The following LRRFIP1 variants were observed in gnomAD, a reference collection of about 807,000 sequenced individuals.
LRRFIP1 encodes the protein leucine-rich repeat flightless-interacting protein 1.
A neutral mutation model predicts 104.4 loss-of-function variants in LRRFIP1; 62 were observed. The ratio of observed to expected loss-of-function variants is 0.59; its 90% confidence interval spans 0.48 to 0.73. The LOEUF is 0.73. Among genes scored for constraint, LRRFIP1 ranks in the 30% least tolerant of loss-of-function variants. The probability of loss-of-function intolerance (pLI) is 0.00; values close to 1 mark genes in which losing one functional copy is unlikely to be tolerated. For synonymous variants in LRRFIP1, 300 were observed against 299.0 expected (o/e 1.00, Z -0.03); for missense variants, 796 against 824.5 (o/e 0.97, Z 0.42).
chr2:237,673,814 G>C (rs773213730), intron 1 of LRRFIP1, among the ~76,000 whole-genome samples: 15 of 152,164 alleles, frequency 9.9e-5, no homozygotes, highest in Non-Finnish European at 1.8e-4. Context: ...ATTAAGAGAG[G>C]AAGCTGACTC....
At chr2:237,709,111 G>A (rs754122696) in intron 2 of LRRFIP1, among the ~76,000 whole-genome samples, 10 of 152,160 alleles carry the variant, frequency 6.6e-5, no homozygotes, top group Non-Finnish European at 1.2e-4. Context: ...ATAGAGAGAC[G>A]GGAATGAACA....
Position 237,627,711 on chromosome 2 carries a change from G to T in LRRFIP1, c.67G>T (p.Asp23Tyr). ...CAACCGGGAGCGGCTCACGGCGGAGGACGACGCGCTCAACCAGATCGCGCG... is the reference window on the plus strand; with the variant it reads ...CAACCGGGAGCGGCTCACGGCGGAGTACGACGCGCTCAACCAGATCGCGCG... ...LPNRERLTAE[D>Y]DALNQIAREA... The change falls in exon 1 of 24, where the codon GAC becomes TAC. Residue 23 changes from aspartate (D) to tyrosine (Y), a missense_variant. Asp to Tyr is a radical substitution (Grantham distance 160, BLOSUM62 -3). Coordinates refer to ENST00000308482, the MANE Select transcript of LRRFIP1 (RefSeq NM_001137550.2). 1.5e-6 allele frequency: 2 copies of T among 1,365,492 alleles called. No individual in the cohort carries two copies. The allele number at this position is 1,365,492 out of a possible 1,614,324, so 84.6% of individuals were successfully genotyped here.
rs1368787642 is a variant in LRRFIP1 at position 237,781,494 on chromosome 2, T to C, written c.*1962T>C. ...AGATGGCGTTTTCCCTATCAGTGGCTCTGAGGAAGTCAAGCCTTCAGTCTC... is the reference window on the plus strand; with the variant it reads ...AGATGGCGTTTTCCCTATCAGTGGCCCTGAGGAAGTCAAGCCTTCAGTCTC... On this transcript the variant is annotated 3_prime_UTR_variant, in exon 24 of 24. Coordinates refer to ENST00000308482, the MANE Select transcript of LRRFIP1 (RefSeq NM_001137550.2). Among the ~76,000 whole-genome samples the C allele has an allele frequency of 6.6e-6, 1 of 152,186 alleles. No homozygotes were observed. The highest frequency in any genetic ancestry group is 1.5e-5 in the Non-Finnish European group (1 of 68,034).
intron 20 of LRRFIP1, among the ~76,000 whole-genome samples, chr2:237,771,237 C>A (rs1461463584): frequency 1.3e-5 from 2 of 150,802 alleles, no homozygotes; most frequent in East Asian, 3.9e-4. Flanking sequence ...TCCAACTATA[C>A]GGTCAGCCCT....
intron 12 of LRRFIP1, 53 bp downstream of exon 12, chr2:237,748,452 A>G (rs1322330424): frequency 1.4e-6 from 2 of 1,461,712 alleles, no homozygotes; most frequent in East Asian, 2.3e-5. Context: ...GATGAAATTG[A>G]TAAGAAAATA....
At chr2:237,629,933 C>T (rs771195284) in intron 1 of LRRFIP1, among the ~76,000 whole-genome samples, 5 of 152,142 alleles carry the variant, frequency 3.3e-5, no homozygotes, top group Non-Finnish European at 7.4e-5. Flanking sequence ...AGTTCTTAGC[C>T]AGCTGTGCCA....
intron 1 of LRRFIP1, among the ~76,000 whole-genome samples, chr2:237,634,750 T>C (rs1212277561): frequency 6.6e-6 from 1 of 152,142 alleles, no homozygotes; most frequent in East Asian, 1.9e-4. Flanking sequence ...TCTTCTAGAG[T>C]TAATGATTTA....
chr2:237,634,312 T>A (rs960379492), intron 1 of LRRFIP1, among the ~76,000 whole-genome samples: 6 of 152,242 alleles, frequency 3.9e-5, no homozygotes, highest in Non-Finnish European at 8.8e-5. Context: ...TTGGTGTGCA[T>A]GGGCCCAGTT....
At position 237,691,471 on chromosome 2, in the gene LRRFIP1, T is replaced by C. The variant is rs1362125676; in HGVS notation, c.97-17073T>C. Among the ~76,000 whole-genome samples the C allele has an allele frequency of 1.3e-5, 2 of 152,104 alleles. No homozygotes were observed. Among genetic ancestry groups the C allele is most frequent in the African/African-American group, 4.8e-5 (2 of 41,404 alleles). On this transcript the variant is annotated intron_variant, in intron 1 of 23. Coordinates refer to ENST00000308482, the MANE Select transcript of LRRFIP1 (RefSeq NM_001137550.2). This position sits in a 1 kb window ranked among gnomAD's most constrained non-coding sequence, Gnocchi z 5.4. Reference sequence around the variant, plus strand: ...CGCACCCTGCAAGCTCGTTCTCCCCTGCGGGCCGCCGCACCGGGCCAAGGG... The same window carrying C: ...CGCACCCTGCAAGCTCGTTCTCCCCCGCGGGCCGCCGCACCGGGCCAAGGG...
At chr2:237,645,523 G>A (rs1358254705) in intron 1 of LRRFIP1, among the ~76,000 whole-genome samples, 1 of 151,972 alleles carries the variant, frequency 6.6e-6, no homozygotes, top group African/African-American at 2.4e-5. Context: ...GGAGGTGCCA[G>A]GGGCAGCTGC....
Position 237,662,237 on chromosome 2 carries a change from A to C in LRRFIP1, c.96+34497A>C, listed in dbSNP as rs534599022. Among the ~76,000 whole-genome samples, 3 of 152,144 alleles carry C rather than the reference A, an allele frequency of 2.0e-5. No homozygotes were observed. In the South Asian group the frequency reaches 6.2e-4, roughly 32 times the overall value. ...CTGGGTATTTGTGTCTCTGTGTGCA[A>C]ATTTCTGTTTCCTTATAAGAAAGTC... On this transcript the variant is annotated intron_variant, in intron 1 of 23. Coordinates refer to ENST00000308482, the MANE Select transcript of LRRFIP1 (RefSeq NM_001137550.2).
intron 1 of LRRFIP1, among the ~76,000 whole-genome samples, chr2:237,679,402 C>T (rs2091542425): frequency 6.6e-6 from 1 of 152,106 alleles, no homozygotes; most frequent in South Asian, 2.1e-4. Context: ...TCAGCAATAA[C>T]CGTAAAATGA....
rs965206706 is a variant in LRRFIP1 at position 237,661,182 on chromosome 2, CT to C, written c.96+33443del. Among the ~76,000 whole-genome samples the C allele has an allele frequency of 6.6e-6, 1 of 152,176 alleles. No homozygotes were observed. The highest frequency in any genetic ancestry group is 6.5e-5 in the Admixed American group (1 of 15,280). On this transcript the variant is annotated intron_variant, in intron 1 of 23. Transcript: ENST00000308482. This position sits in a 1 kb window ranked among gnomAD's most constrained non-coding sequence, Gnocchi z 4.4. Reference sequence around the variant, plus strand: ...ATATCTGGGGCCACGCAGGGAGACCCTGGGGGATCCTGGGCAGAAGCCCCTG... The same window carrying C: ...ATATCTGGGGCCACGCAGGGAGACCCGGGGGATCCTGGGCAGAAGCCCCTG...
intron 8 of LRRFIP1, among the ~76,000 whole-genome samples, chr2:237,733,111 A>G (rs2095084914): frequency 6.6e-6 from 1 of 152,182 alleles, no homozygotes; most frequent in Non-Finnish European, 1.5e-5. Flanking sequence ...CCTGGAAATG[A>G]GTCCAGATTC....
chr2:237,743,950 G>A (rs1275533948), intron 11 of LRRFIP1, among the ~76,000 whole-genome samples: 1 of 152,166 alleles, frequency 6.6e-6, no homozygotes, highest in Non-Finnish European at 1.5e-5. Context: ...ATGTCCCAAG[G>A]GCAGCCTGGG....
chr2:237,665,940 C>G (rs1167209574), intron 1 of LRRFIP1, among the ~76,000 whole-genome samples: 1 of 152,256 alleles, frequency 6.6e-6, no homozygotes, highest in African/African-American at 2.4e-5. Context: ...TCAGTGATCC[C>G]TTAACCTGTG....
intron 1 of LRRFIP1, among the ~76,000 whole-genome samples, chr2:237,632,832 C>T (rs1247550513): frequency 6.6e-6 from 1 of 152,092 alleles, no homozygotes; most frequent in Non-Finnish European, 1.5e-5. Context: ...GTCCCCAATG[C>T]AGTCCCTTGC....
At chr2:237,763,241 G>A in intron 19 of LRRFIP1, 1 of 1,614,130 alleles carries the variant, frequency 6.2e-7, no homozygotes, top group Non-Finnish European at 8.5e-7. Context: ...AGGATTAAGG[G>A]ACGAGAAACC....
intron 11 of LRRFIP1, among the ~76,000 whole-genome samples, chr2:237,745,053 G>C (rs1204291091): frequency 6.6e-6 from 1 of 152,226 alleles, no homozygotes; most frequent in Admixed American, 6.5e-5. Context: ...AGGAAGTGCT[G>C]TGCTTTATGT....
Sources: gnomAD v4.1 joint callset for allele counts (sites outside exome capture counted in the v4.1 genomes callset) on GRCh38, gnomAD v4.1.1 for gene constraint, Gnocchi (gnomAD v3.1) non-coding constraint, MANE v1.5 for transcripts, NCBI Gene and HGNC (gene_info 2026-07-23, HGNC 2026-07-21) for gene names.